The following PPFIA4 variants were observed in gnomAD, a reference collection of about 807,000 sequenced individuals.
PPFIA4 encodes the protein PPFI scaffold protein A4, also known as liprin-alpha-4.
A neutral mutation model predicts 145.7 loss-of-function variants in PPFIA4; 98 were observed. The observed-to-expected ratio is 0.67, with a 90% CI of 0.57 to 0.80. PPFIA4 has a LOEUF of 0.80. Among genes scored for constraint, PPFIA4 ranks in the 30% least tolerant of loss-of-function variants. The pLI is 0.00. For missense variants in PPFIA4, 1,457 were observed against 1,632.7 expected (o/e 0.89, Z 1.85); for synonymous variants, 628 against 649.6 (o/e 0.97, Z 0.51).
chr1:203,037,908 C>T (rs911649388), intron 1 of PPFIA4, among the ~76,000 whole-genome samples: 1 of 152,206 alleles, frequency 6.6e-6, no homozygotes, highest in African/African-American at 2.4e-5. Context: ...CGAATCCAAG[C>T]CTGCTGTCTG....
chr1:203,061,566 C>T, intron 23 of PPFIA4, 86 bp from the exon 24 acceptor site: 1 of 1,376,664 alleles, frequency 7.3e-7, no homozygotes, highest in Non-Finnish European at 9.8e-7. Flanking sequence ...ATGTCTTTTT[C>T]CTCTCCTTGA....
chr1:203,030,772 CA>C (rs1658766855), intron 1 of PPFIA4, among the ~76,000 whole-genome samples: 1 of 152,242 alleles, frequency 6.6e-6, no homozygotes, highest in Non-Finnish European at 1.5e-5. Context: ...CATACTTGCA[CA>C]AGCTCTCACA....
intron 21 of PPFIA4, 27 bp downstream of exon 21, chr1:203,059,878 C>A: frequency 6.3e-7 from 1 of 1,579,788 alleles, no homozygotes; most frequent in African/African-American, 1.3e-5. Context: ...GGAGTCCACT[C>A]AGGGGTCTGG....
Position 203,055,737 on chromosome 1 carries a change from A to G in PPFIA4, c.2070+65A>G. On this transcript the variant is annotated intron_variant, in intron 16 of 29. Transcript: ENST00000295706. The surrounding 1 kb of genome is among the most constrained non-coding windows in gnomAD (Gnocchi z 4.8). ...CCTGCACCGGGGGAGGTTTTAAGGGATGGTAGGACTCACGTGCTCTCAGCT... is the reference window on the plus strand; with the variant it reads ...CCTGCACCGGGGGAGGTTTTAAGGGGTGGTAGGACTCACGTGCTCTCAGCT... 6.3e-7 allele frequency: 1 copy of G among 1,598,356 alleles called. No individual in the cohort carries two copies. Among genetic ancestry groups the G allele is most frequent in the Non-Finnish European group, 8.5e-7 (1 of 1,169,900 alleles).
chr1:203,046,665 T>TC (rs1011746896), intron 9 of PPFIA4, among the ~76,000 whole-genome samples: 2 of 151,408 alleles, frequency 1.3e-5, no homozygotes, highest in Admixed American at 6.6e-5. Context: ...CTTTTTCTTT[T>TC]TTTTTTTTTT....
chr1:203,076,796 C>G lies in PPFIA4; in HGVS notation c.*406C>G. ...TGGTCCTTCCAAGAAAGGGTCATTTCAGACGCAGCCCTGCTTGGGCTATTC... is the reference window on the plus strand; with the variant it reads ...TGGTCCTTCCAAGAAAGGGTCATTTGAGACGCAGCCCTGCTTGGGCTATTC... On this transcript the variant is annotated 3_prime_UTR_variant, in exon 30 of 30. Coordinates refer to ENST00000295706, the MANE Select transcript of PPFIA4 (RefSeq NM_001304331.2). The G allele has an allele frequency of 4.2e-6, 1 of 239,582 alleles. No homozygotes were observed. The highest frequency in any genetic ancestry group is 8.2e-6 in the Non-Finnish European group (1 of 122,012). 14.8% of individuals were successfully genotyped at this position (239,582 alleles called of 1,614,324 possible). A position where few individuals can be genotyped will look rare whatever the true frequency, so the allele number is the denominator to read the frequency against.
chr1:203,062,062 A>C (rs906752046), intron 24 of PPFIA4, among the ~76,000 whole-genome samples: 1 of 152,188 alleles, frequency 6.6e-6, no homozygotes, highest in Non-Finnish European at 1.5e-5. Flanking sequence ...TTATTGAGCA[A>C]ATATAAGGAT....
chr1:203,053,824 GA>G lies in PPFIA4; in HGVS notation c.1693del (p.Ile565SerfsTer32), dbSNP rs1660709353. 6.4e-7 allele frequency: 1 copy of G among 1,553,478 alleles called. No individual in the cohort carries two copies. Among genetic ancestry groups the G allele is most frequent in the African/African-American group, 1.4e-5 (1 of 73,134 alleles). ...GCCCTGCCTTTGACAGTGACCCTGA[GA>G]TCTCCGACGTGGATGAGGATGAGCC... ...AGPAFDSDPE[I>X]SDVDEDEPGG... On this transcript the variant is annotated frameshift_variant, in exon 15 of 30. Coordinates refer to ENST00000295706, the MANE Select transcript of PPFIA4 (RefSeq NM_001304331.2). LOFTEE classifies it high-confidence loss of function.
rs543844559 is a variant in PPFIA4 at position 203,045,637 on chromosome 1, G to A, written c.858+78G>A. 5.0e-5 allele frequency: 73 copies of A among 1,474,336 alleles called. 1 individual carries two copies. In the East Asian group the frequency reaches 9.6e-4, roughly 19 times the overall value. 91.3% of individuals were successfully genotyped at this position (1,474,336 alleles called of 1,614,324 possible). A position where few individuals can be genotyped will look rare whatever the true frequency, so the allele number is the denominator to read the frequency against. On this transcript the variant is annotated intron_variant, in intron 7 of 29. Coordinates refer to ENST00000295706, the MANE Select transcript of PPFIA4 (RefSeq NM_001304331.2). ...GAGAGCCAGGCAAAGGCTCTGGGGCGTGAGACTGAACACCTGCCTCCTTGC... is the reference window on the plus strand; with the variant it reads ...GAGAGCCAGGCAAAGGCTCTGGGGCATGAGACTGAACACCTGCCTCCTTGC...
In PPFIA4 at chr1:203,055,497, G is replaced by C; in HGVS notation, c.1895G>C (p.Ser632Thr). The C allele has an allele frequency of 6.2e-7, 1 of 1,614,024 alleles. No homozygotes were observed. Among genetic ancestry groups the C allele is most frequent in the Non-Finnish European group, 8.5e-7 (1 of 1,179,900 alleles). ...RAEEIETRVT[S>T]GSMEALNLKQ... Reference sequence around the variant, plus strand: ...GAGGAGATTGAGACGCGTGTAACCAGTGGCAGCATGGAAGCCCTAAACCTG... The same window carrying C: ...GAGGAGATTGAGACGCGTGTAACCACTGGCAGCATGGAAGCCCTAAACCTG... Residue 632 changes from serine (S) to threonine (T), a missense_variant, in exon 16 of 30, where the codon AGT becomes ACT. Ser to Thr is a moderately conservative substitution (Grantham distance 58). Coordinates refer to ENST00000295706, the MANE Select transcript of PPFIA4 (RefSeq NM_001304331.2). The surrounding 1 kb of genome is among the most constrained non-coding windows in gnomAD (Gnocchi z 4.8).
At chr1:203,070,474 C>G (rs871298) in intron 27 of PPFIA4, among the ~76,000 whole-genome samples, 80,803 of 150,498 alleles carry the variant, frequency 0.54, 21,701 homozygotes, top group South Asian at 0.59. Context: ...CCCAATTACT[C>G]GGGAGGCTGA....
At chr1:203,053,265 G>A (rs1352101980) in intron 14 of PPFIA4, among the ~76,000 whole-genome samples, 1 of 150,692 alleles carries the variant, frequency 6.6e-6, no homozygotes, top group African/African-American at 2.4e-5. Context: ...GGGCACGGTG[G>A]CTCACGCTTG....
intron 14 of PPFIA4, among the ~76,000 whole-genome samples, chr1:203,053,070 TC>T (rs1168142099): frequency 1.3e-5 from 2 of 152,202 alleles, no homozygotes; most frequent in Admixed American, 6.5e-5. Flanking sequence ...TACTTTACCA[TC>T]CCTATTTTAC....
At chr1:203,067,982 C>T (rs1661852380) in intron 26 of PPFIA4, among the ~76,000 whole-genome samples, 190 bp downstream of exon 26, 1 of 152,074 alleles carries the variant, frequency 6.6e-6, no homozygotes, top group Non-Finnish European at 1.5e-5. Flanking sequence ...TCTATAATTC[C>T]CCTCCCTCAA....
rs1347565918 is a variant in PPFIA4 at position 203,048,889 on chromosome 1, G to A, written c.1357-29G>A. The A allele has an allele frequency of 6.5e-7, 1 of 1,547,112 alleles. No homozygotes were observed. The highest frequency in any genetic ancestry group is 2.0e-5 in the Admixed American group (1 of 50,880). ...GGTCTGGAATGGGAGAGGAAGGCAG[G>A]GGCCTGGCTCACAGCTGCTCTCCCC... On this transcript the variant is annotated intron_variant, in intron 11 of 29. Transcript: ENST00000295706. This position sits in a 1 kb window ranked among gnomAD's most constrained non-coding sequence, Gnocchi z 5.8.
At chr1:203,040,405 A>G (rs1434340389) in intron 2 of PPFIA4, among the ~76,000 whole-genome samples, 1 of 152,198 alleles carries the variant, frequency 6.6e-6, no homozygotes, top group Non-Finnish European at 1.5e-5. Flanking sequence ...GGAAGAGAAC[A>G]AGGGCTGGGC....
intron 28 of PPFIA4, among the ~76,000 whole-genome samples, chr1:203,073,228 C>G (rs912454891): frequency 1.3e-5 from 2 of 152,214 alleles, no homozygotes; most frequent in Non-Finnish European, 2.9e-5. Flanking sequence ...AATTGAAGCT[C>G]TAAGAGGGAA....
rs916149136 is a variant in PPFIA4, at chr1:203,045,546, G to A, written c.845G>A (p.Arg282Gln). 5.0e-6 allele frequency: 8 copies of A among 1,590,458 alleles called. No homozygotes were observed. In the African/African-American group the frequency reaches 8.1e-5, roughly 16 times the overall value. ...GAGGAGCTGAGCAGCAAGCATCAGCGGGACCTCCGGGAGGTGCGTGAGGGC... is the reference window on the plus strand; with the variant it reads ...GAGGAGCTGAGCAGCAAGCATCAGCAGGACCTCCGGGAGGTGCGTGAGGGC... ...KSEELSSKHQ[R>Q]DLREALAQKE... The change falls in exon 7 of 30, where the codon CGG becomes CAG. Residue 282 changes from arginine to glutamine, a missense_variant. By Grantham distance (43) the Arg-to-Gln change is conservative (BLOSUM62 1). Around this residue, in one of 3 missense-constraint regions of PPFIA4, gnomAD observed 463 missense variants for 459.8 expected, o/e 1.01. Transcript: ENST00000295706.
In PPFIA4 at chr1:203,068,732, G is replaced by A; in HGVS notation, c.3324+104G>A. 1 of 1,249,954 alleles carries A rather than the reference G, an allele frequency of 8.0e-7. No homozygotes were observed. Among genetic ancestry groups the A allele is most frequent in the South Asian group, 1.9e-5 (1 of 52,440 alleles). 77.4% of individuals were successfully genotyped at this position (1,249,954 alleles called of 1,614,324 possible). On this transcript the variant is annotated intron_variant, in intron 27 of 29. Transcript: ENST00000295706. The surrounding 1 kb of genome is among the most constrained non-coding windows in gnomAD (Gnocchi z 4.7). ...AGGCTTAGGTATCTTGGGGGGTGGG[G>A]AGCTTTTCTAGGGCCTATGCCAGAG...
Sources: allele counts gnomAD v4.1 joint callset (sites outside exome capture counted in the v4.1 genomes callset), GRCh38; gene constraint gnomAD v4.1.1; regional missense constraint gnomAD v4.1.1; non-coding constraint Gnocchi (gnomAD v3.1); transcripts MANE v1.5; gene names NCBI Gene and HGNC (gene_info 2026-07-23, HGNC 2026-07-21).